Variants in VSNL1 observed in about 807,000 individuals in gnomAD.
The protein encoded by VSNL1 is visinin-like protein 1.
In VSNL1, 6 loss-of-function variants were observed where a neutral mutation model predicts 20.4. The observed-to-expected ratio is 0.29, with a 90% confidence interval of 0.16 to 0.58. The LOEUF (loss-of-function observed/expected upper bound fraction) is 0.58. Among genes scored for constraint, VSNL1 ranks in the 20% least tolerant of loss-of-function variants. The pLI is 0.90. For synonymous variants in VSNL1, 93 were observed against 86.4 expected (o/e 1.08, Z -0.42); for missense variants, 100 against 234.5 (o/e 0.43, Z 3.75).
chr2:17,555,130 T>G (rs1663644089), intron 1 of VSNL1, among the ~76,000 whole-genome samples: 1 of 152,202 alleles, frequency 6.6e-6, no homozygotes, highest in Non-Finnish European at 1.5e-5. Context: ...GAAATTTGAA[T>G]GTAAGTTTGC....
chr2:17,655,171 T>C lies in VSNL1; in HGVS notation c.379-26T>C. 6.2e-7 allele frequency: 1 copy of C among 1,609,498 alleles called. No homozygotes were observed. Among genetic ancestry groups the C allele is most frequent in the Admixed American group, 1.7e-5 (1 of 59,804 alleles). On this transcript the variant is annotated intron_variant, in intron 3 of 3. Transcript: ENST00000295156. The surrounding 1 kb of genome is among the most constrained non-coding windows in gnomAD (Gnocchi z 5.2). ...CTGTCCTCCTGGGTTTCTGGTAATA[T>C]CACCTACAATGCTTTTTTCCCCAAG... is the stretch of plus-strand genomic sequence containing the variant.
chr2:17,573,049 A>G (rs1996610), intron 1 of VSNL1, among the ~76,000 whole-genome samples: 82,906 of 152,172 alleles, frequency 0.54, 25,617 homozygotes, highest in East Asian at 0.98. Flanking sequence ...TTATGACTAG[A>G]GAGGATTAAT....
intron 2 of VSNL1, among the ~76,000 whole-genome samples, chr2:17,602,696 C>T (rs1379436275): frequency 2.0e-5 from 3 of 151,908 alleles, no homozygotes; most frequent in African/African-American, 2.4e-5. Flanking sequence ...GCCAAGATCA[C>T]GCCATTGCAC....
At chr2:17,622,589 A>G (rs1665404553) in intron 2 of VSNL1, among the ~76,000 whole-genome samples, 1 of 131,790 alleles carries the variant, frequency 7.6e-6, no homozygotes, top group Non-Finnish European at 1.7e-5. Flanking sequence ...AGAAAGAAAG[A>G]AAGAAAGAAA....
chr2:17,614,995 T>TAA (rs1558300919), intron 2 of VSNL1, among the ~76,000 whole-genome samples: 1 of 152,232 alleles, frequency 6.6e-6, no homozygotes, highest in Non-Finnish European at 1.5e-5. Context: ...GGAAGTTTTA[T>TAA]GTAATACAGT....
At chr2:17,593,473 A>T (rs1161515312) in intron 2 of VSNL1, among the ~76,000 whole-genome samples, 1 of 152,210 alleles carries the variant, frequency 6.6e-6, no homozygotes, top group Non-Finnish European at 1.5e-5. Flanking sequence ...AAAATCATAT[A>T]AAAAGAAAAG....
At chr2:17,639,061 C>A (rs559070178) in intron 2 of VSNL1, among the ~76,000 whole-genome samples, 1 of 152,170 alleles carries the variant, frequency 6.6e-6, no homozygotes, top group Non-Finnish European at 1.5e-5. Context: ...CCCAGATTCC[C>A]GCAGGGATCT....
At chr2:17,643,507 C>T (rs1302383055) in intron 2 of VSNL1, among the ~76,000 whole-genome samples, 5 of 152,132 alleles carry the variant, frequency 3.3e-5, no homozygotes, top group South Asian at 2.1e-4. Context: ...GGCCTCGAAA[C>T]GATCTGTTTG....
intron 3 of VSNL1, among the ~76,000 whole-genome samples, chr2:17,652,326 G>A (rs1207471043): frequency 6.6e-6 from 1 of 152,226 alleles, no homozygotes; most frequent in Admixed American, 6.5e-5. Flanking sequence ...GGAAAAGTGA[G>A]AAGTCCTGGA....
intron 1 of VSNL1, among the ~76,000 whole-genome samples, chr2:17,548,106 C>G (rs369472213): frequency 6.6e-6 from 1 of 152,108 alleles, no homozygotes; most frequent in Admixed American, 6.6e-5. Context: ...ATGAGCTACT[C>G]TTTCATTCTT....
intron 2 of VSNL1, among the ~76,000 whole-genome samples, chr2:17,597,310 T>C (rs1401579730): frequency 1.3e-5 from 2 of 152,206 alleles, no homozygotes; most frequent in Non-Finnish European, 2.9e-5. Flanking sequence ...TCTCTCAATG[T>C]CCTGACCCTC....
intron 1 of VSNL1, among the ~76,000 whole-genome samples, chr2:17,582,194 G>A (rs886866117): frequency 6.6e-6 from 1 of 152,140 alleles, no homozygotes; most frequent in African/African-American, 2.4e-5. Flanking sequence ...AGAACATGGG[G>A]AGAGAGGAAA....
chr2:17,543,979 A>G (rs1279800636), intron 1 of VSNL1, among the ~76,000 whole-genome samples: 2 of 152,038 alleles, frequency 1.3e-5, no homozygotes, highest in African/African-American at 4.8e-5. Context: ...CAAAAATGTA[A>G]TCTCCCAGGC....
At position 17,649,474 on chromosome 2, in the gene VSNL1, G is replaced by T. The variant is rs1018805253; in HGVS notation, c.227G>T (p.Gly76Val). The T allele has an allele frequency of 6.2e-7, 1 of 1,614,144 alleles. No homozygotes were observed. Among genetic ancestry groups the T allele is most frequent in the Non-Finnish European group, 8.5e-7 (1 of 1,180,024 alleles). The change falls in exon 3 of 4, where the codon GGG becomes GTG. Residue 76 changes from glycine to valine, a missense_variant. Transcript: ENST00000295156. The surrounding 1 kb of genome is among the most constrained non-coding windows in gnomAD (Gnocchi z 6.4). ...GCCTTCCGAACCTTCGACAAGAATGGGGACGGCACCATTGACTTCCGAGAG... is the reference window on the plus strand; with the variant it reads ...GCCTTCCGAACCTTCGACAAGAATGTGGACGGCACCATTGACTTCCGAGAG... ...QHAFRTFDKN[G>V]DGTIDFREFI... is the part of the protein sequence containing the mutation.
intron 1 of VSNL1, among the ~76,000 whole-genome samples, chr2:17,577,587 GTCTT>G (rs1319674919): frequency 1.3e-5 from 2 of 152,078 alleles, no homozygotes; most frequent in Admixed American, 6.5e-5. Flanking sequence ...CCTCTCTTGA[GTCTT>G]TGTTTCTCCA....
intron 1 of VSNL1, among the ~76,000 whole-genome samples, chr2:17,583,364 A>T (rs940477143): frequency 6.6e-5 from 10 of 152,226 alleles, no homozygotes; most frequent in African/African-American, 2.4e-4. Flanking sequence ...CCCCACTGGG[A>T]CTTGGCAGCA....
intron 2 of VSNL1, among the ~76,000 whole-genome samples, chr2:17,614,565 C>T (rs1665171299): frequency 6.6e-6 from 1 of 152,214 alleles, no homozygotes; most frequent in East Asian, 1.9e-4. Context: ...CAGTTTGTCC[C>T]TGCCTCACTC....
chr2:17,598,090 A>T (rs1572356192), intron 2 of VSNL1, among the ~76,000 whole-genome samples: 2 of 152,348 alleles, frequency 1.3e-5, no homozygotes, highest in African/African-American at 4.8e-5. Context: ...AGAATAAGAA[A>T]TATTTTTCTA....
chr2:17,586,405 C>G (rs190175006), intron 1 of VSNL1, among the ~76,000 whole-genome samples: 1 of 152,162 alleles, frequency 6.6e-6, no homozygotes, highest in Admixed American at 6.5e-5. Context: ...TGTATTCAGA[C>G]AAGTTTAGGA....
Sources: allele counts gnomAD v4.1 joint callset (sites outside exome capture counted in the v4.1 genomes callset), GRCh38; gene constraint gnomAD v4.1.1; non-coding constraint Gnocchi (gnomAD v3.1); transcripts MANE v1.5; gene names NCBI Gene and HGNC (gene_info 2026-07-23, HGNC 2026-07-21).